FAT3: variants seen among roughly 807,000 people sequenced by gnomAD.
FAT3 encodes protocadherin Fat 3.
In FAT3, 95 loss-of-function variants were observed where a neutral mutation model predicts 310.2. That is an observed-to-expected ratio of 0.31 (90% CI 0.26 to 0.36). The LOEUF is 0.36. Ranked by LOEUF, FAT3 falls within the 10% of genes least tolerant of loss-of-function variation. FAT3 has a pLI of 1.00. For missense variants in FAT3, 5,408 were observed against 5,715.6 expected (o/e 0.95, Z 1.74); for synonymous variants, 2,314 against 2,192.9 (o/e 1.06, Z -1.54).
chr11:92,237,021 G>C (rs1370639550), intron 1 of FAT3, among the ~76,000 whole-genome samples: 1 of 152,096 alleles, frequency 6.6e-6, no homozygotes, highest in Admixed American at 6.5e-5. Context: ...GGCCTGCTGG[G>C]TAGCAGCAGG....
At chr11:92,302,342 G>C (rs998562470) in intron 1 of FAT3, among the ~76,000 whole-genome samples, 1 of 151,964 alleles carries the variant, frequency 6.6e-6, no homozygotes, top group African/African-American at 2.4e-5. Context: ...TACATAATGA[G>C]CTAGACTAGC....
At chr11:92,412,476 C>T (rs1483291164) in intron 2 of FAT3, among the ~76,000 whole-genome samples, 2 of 142,922 alleles carry the variant, frequency 1.4e-5, no homozygotes, top group Non-Finnish European at 3.0e-5. Context: ...AACCTGTTAC[C>T]CTTCAACTCA....
chr11:92,551,445 T>TGTGTGTGTGTGTGTG (rs370180754), intron 3 of FAT3, among the ~76,000 whole-genome samples: 6 of 151,346 alleles, frequency 4.0e-5, no homozygotes, highest in Non-Finnish European at 7.4e-5. Context: ...TGTGTGTGTG[T>TGTGTGTGTGTGTGTG]TTTCTCATCA....
intron 3 of FAT3, among the ~76,000 whole-genome samples, chr11:92,686,098 A>G (rs1462167181): frequency 6.6e-6 from 1 of 152,188 alleles, no homozygotes; most frequent in African/African-American, 2.4e-5. Flanking sequence ...TTGTATTGGT[A>G]AATGATTAAG....
chr11:92,761,769 C>A, intron 4 of FAT3, 87 bp from the exon 5 acceptor site: 2 of 1,190,558 alleles, frequency 1.7e-6, no homozygotes, highest in Non-Finnish European at 1.2e-6. Context: ...TAGCATTGTC[C>A]GTGCATTAGA....
intron 1 of FAT3, among the ~76,000 whole-genome samples, chr11:92,306,965 T>A (rs1038175291): frequency 2.7e-5 from 4 of 150,066 alleles, no homozygotes; most frequent in Non-Finnish European, 5.9e-5. Context: ...TATTTTTTTT[T>A]TAATTTTATT....
chr11:92,520,522 G>A (rs1218665251), intron 2 of FAT3, among the ~76,000 whole-genome samples: 1 of 152,070 alleles, frequency 6.6e-6, no homozygotes, highest in African/African-American at 2.4e-5. Context: ...AGAATGCATT[G>A]TGGTTGTCAC....
At chr11:92,833,444 C>G (rs1040805898) in intron 14 of FAT3, among the ~76,000 whole-genome samples, 2 of 152,088 alleles carry the variant, frequency 1.3e-5, no homozygotes, top group Non-Finnish European at 2.9e-5. Flanking sequence ...GCAAATATAC[C>G]AGGCTCTTAC....
At chr11:92,337,872 G>A (rs1254023641) in intron 1 of FAT3, among the ~76,000 whole-genome samples, 1 of 152,106 alleles carries the variant, frequency 6.6e-6, no homozygotes, top group Non-Finnish European at 1.5e-5. Context: ...CAAATCATGG[G>A]CATTGAAAAG....
chr11:92,566,760 C>T (rs1955466776), intron 3 of FAT3, among the ~76,000 whole-genome samples: 1 of 152,052 alleles, frequency 6.6e-6, no homozygotes, highest in African/African-American at 2.4e-5. Context: ...TGATCTTTGA[C>T]AAACCTGAGA....
chr11:92,781,824 A>G (rs1202426294), intron 7 of FAT3, among the ~76,000 whole-genome samples: 4 of 151,312 alleles, frequency 2.6e-5, no homozygotes, highest in Non-Finnish European at 4.4e-5. Context: ...ACACATACAG[A>G]CTTTATTAAT....
chr11:92,855,577 CA>C (rs1233848197), intron 19 of FAT3, among the ~76,000 whole-genome samples: 1 of 152,128 alleles, frequency 6.6e-6, no homozygotes, highest in Non-Finnish European at 1.5e-5. Context: ...AACTAGTTTT[CA>C]AAAGTTTCTT....
chr11:92,471,915 C>CTATG (rs1555056394), intron 2 of FAT3, among the ~76,000 whole-genome samples: 5 of 124,940 alleles, frequency 4.0e-5, no homozygotes, highest in Non-Finnish European at 8.2e-5. Flanking sequence ...TTTTCATATG[C>CTATG]TATATATATA....
At chr11:92,332,419 A>T (rs1947945479) in intron 1 of FAT3, among the ~76,000 whole-genome samples, 1 of 152,228 alleles carries the variant, frequency 6.6e-6, no homozygotes, top group African/African-American at 2.4e-5. Flanking sequence ...ACCACATATG[A>T]ATAAGAACAT....
chr11:92,752,186 G>A (rs926255223), intron 4 of FAT3, among the ~76,000 whole-genome samples: 4 of 152,228 alleles, frequency 2.6e-5, no homozygotes, highest in African/African-American at 9.6e-5. Flanking sequence ...ATATGTTATT[G>A]CAGCATGGCT....
intron 7 of FAT3, among the ~76,000 whole-genome samples, chr11:92,779,362 G>A (rs1322572530): frequency 3.3e-5 from 5 of 152,060 alleles, no homozygotes; most frequent in Admixed American, 3.3e-4. Flanking sequence ...TTGCAGGTTT[G>A]GGGCAGGAGC....
intron 2 of FAT3, among the ~76,000 whole-genome samples, chr11:92,446,667 G>A (rs999438166): frequency 6.6e-6 from 1 of 151,980 alleles, no homozygotes; most frequent in Admixed American, 6.6e-5. Flanking sequence ...TGAATATAAG[G>A]AGATTCTGTA....
At chr11:92,541,120 A>G (rs1236901087) in intron 3 of FAT3, among the ~76,000 whole-genome samples, 1 of 152,172 alleles carries the variant, frequency 6.6e-6, no homozygotes, top group Non-Finnish European at 1.5e-5. Context: ...TTCGCTCAAC[A>G]TTCAGTGTTA....
At chr11:92,645,273 C>T (rs182659985) in intron 3 of FAT3, among the ~76,000 whole-genome samples, 1 of 152,196 alleles carries the variant, frequency 6.6e-6, no homozygotes, top group Non-Finnish European at 1.5e-5. Flanking sequence ...ACAAGGAAAA[C>T]CATAAATACA....
Sources: gnomAD v4.1 joint callset for allele counts (sites outside exome capture counted in the v4.1 genomes callset) on GRCh38, gnomAD v4.1.1 for gene constraint, MANE v1.5 for transcripts, NCBI Gene and HGNC (gene_info 2026-07-23, HGNC 2026-07-21) for gene names.